POT1: variants seen among roughly 807,000 people sequenced by gnomAD.
POT1 encodes protection of telomeres 1.
POT1 carries 47 observed loss-of-function variants against 78.5 expected under a neutral mutation model. The ratio of observed to expected loss-of-function variants is 0.60; its 90% CI spans 0.47 to 0.76. The LOEUF is 0.76. Among genes scored for constraint, POT1 ranks in the 30% least tolerant of loss-of-function variants. The probability of loss-of-function intolerance (pLI) is 0.00; values close to 1 mark genes in which losing one functional copy is unlikely to be tolerated. For synonymous variants in POT1, 259 were observed against 260.7 expected (o/e 0.99, Z 0.06); for missense variants, 646 against 749.9 (o/e 0.86, Z 1.62).
At chr7:124,925,044 G>A (rs1020072254) in intron 2 of POT1, among the ~76,000 whole-genome samples, 1 of 151,880 alleles carries the variant, frequency 6.6e-6, no homozygotes, top group African/African-American at 2.4e-5. Flanking sequence ...TTCCCTCTAA[G>A]AATTGGAACA....
At chr7:124,901,967 G>A (rs1202435643) in intron 3 of POT1, among the ~76,000 whole-genome samples, 2 of 151,940 alleles carry the variant, frequency 1.3e-5, no homozygotes, top group Non-Finnish European at 2.9e-5. Flanking sequence ...GAGAAGAGAA[G>A]TTTACAGAAA....
chr7:124,853,713 T>C (rs1795373885), intron 9 of POT1, among the ~76,000 whole-genome samples: 1 of 104,024 alleles, frequency 9.6e-6, no homozygotes, highest in Non-Finnish European at 2.1e-5. Context: ...GAAACACTCC[T>C]TGAGTTCAAA....
chr7:124,902,469 A>G (rs1027385123), intron 3 of POT1, among the ~76,000 whole-genome samples: 1 of 152,216 alleles, frequency 6.6e-6, no homozygotes, highest in African/African-American at 2.4e-5. Flanking sequence ...ACAGACAAGC[A>G]AATGCTGAAA....
At chr7:124,864,757 T>C (rs564432017) in intron 7 of POT1, among the ~76,000 whole-genome samples, 145 of 152,336 alleles carry the variant, frequency 9.5e-4, no homozygotes, top group African/African-American at 3.3e-3. Context: ...TCCTTTGTGT[T>C]ACTGTTGTAG....
intron 3 of POT1, among the ~76,000 whole-genome samples, chr7:124,907,737 G>C (rs1197804767): frequency 6.6e-6 from 1 of 152,084 alleles, no homozygotes; most frequent in African/African-American, 2.4e-5. Context: ...TAGCAGAAGA[G>C]GCTATGCATA....
intron 11 of POT1, among the ~76,000 whole-genome samples, chr7:124,851,561 T>C (rs934942362): frequency 1.3e-5 from 2 of 152,338 alleles, no homozygotes; most frequent in African/African-American, 4.8e-5. Context: ...ACAATCTTTG[T>C]TCCCTTTAAA....
intron 5 of POT1, among the ~76,000 whole-genome samples, chr7:124,893,238 A>C (rs7804989): frequency 0.071 from 10,764 of 151,296 alleles, 504 homozygotes; most frequent in Middle Eastern, 0.15. Flanking sequence ...TCTCTTTGAA[A>C]CTTGTGGTAC....
At chr7:124,895,379 A>G (rs1008742138) in intron 5 of POT1, among the ~76,000 whole-genome samples, 3 of 151,564 alleles carry the variant, frequency 2.0e-5, no homozygotes, top group African/African-American at 7.3e-5. Flanking sequence ...GCAGCCCATT[A>G]TGGAATCAAT....
At chr7:124,828,041 T>A (rs574988524) in intron 16 of POT1, among the ~76,000 whole-genome samples, 30 of 151,312 alleles carry the variant, frequency 2.0e-4, no homozygotes, top group African/African-American at 5.6e-4. Flanking sequence ...TCAAAATAAA[T>A]AAAAATAAAT....
At chr7:124,858,218 C>T (rs947437807) in intron 9 of POT1, among the ~76,000 whole-genome samples, 4 of 152,154 alleles carry the variant, frequency 2.6e-5, no homozygotes, top group African/African-American at 7.2e-5. Context: ...ATTTGTAGAA[C>T]GAGATGACTA....
intron 3 of POT1, among the ~76,000 whole-genome samples, chr7:124,912,611 C>T (rs137903893): frequency 1.3e-5 from 2 of 152,156 alleles, no homozygotes; most frequent in South Asian, 2.1e-4. Context: ...TTCCCTAGAA[C>T]GTATGCTGCA....
intron 3 of POT1, among the ~76,000 whole-genome samples, chr7:124,908,094 A>G (rs535226713): frequency 6.6e-6 from 1 of 152,074 alleles, no homozygotes; most frequent in Admixed American, 6.6e-5. Flanking sequence ...ATATAAAATA[A>G]CTGATAATCC....
In POT1 at chr7:124,906,888, T is replaced by A. The variant is rs1796778638; in HGVS notation, c.-153-8514A>T. ...GTACACAGAGGATAAGAAAAATATA[T>A]AACAGATAATAGTAGTTTGTATAAA... On this transcript the variant is annotated intron_variant, in intron 3 of 18. Transcript: ENST00000357628. 2.0e-5 allele frequency among the ~76,000 whole-genome samples: 3 copies of A among 152,024 alleles called. No individual in the cohort carries two copies. In the South Asian group the frequency reaches 6.2e-4, roughly 32 times the overall value.
chr7:124,912,890 A>G (rs538960802), intron 3 of POT1, among the ~76,000 whole-genome samples: 1 of 152,264 alleles, frequency 6.6e-6, no homozygotes, highest in Admixed American at 6.5e-5. Context: ...GGACCACTGT[A>G]TTAGTCCATT....
intron 7 of POT1, among the ~76,000 whole-genome samples, chr7:124,867,946 C>G (rs1393970697): frequency 6.6e-6 from 1 of 152,036 alleles, no homozygotes. Context: ...ACTTTATTTT[C>G]TTTATAGTAG....
At chr7:124,868,475 C>T (rs887934667) in intron 7 of POT1, among the ~76,000 whole-genome samples, 1 of 151,878 alleles carries the variant, frequency 6.6e-6, no homozygotes, top group Non-Finnish European at 1.5e-5. Context: ...TCATAGTAGC[C>T]TTTAAAACAG....
intron 6 of POT1, among the ~76,000 whole-genome samples, chr7:124,882,955 T>C (rs1796152840): frequency 6.6e-6 from 1 of 152,020 alleles, no homozygotes; most frequent in Non-Finnish European, 1.5e-5. Context: ...TCCATCTCCA[T>C]TCTTTAGATG....
At chr7:124,858,875 C>T in intron 9 of POT1, 82 bp downstream of exon 9, 1 of 961,080 alleles carries the variant, frequency 1.0e-6, no homozygotes, top group South Asian at 2.0e-5. Flanking sequence ...ATACATGTAA[C>T]CATATATAAA....
chr7:124,829,331 C>T lies in POT1; in HGVS notation c.1517G>A (p.Cys506Tyr), dbSNP rs775694109. 6.4e-7 allele frequency: 1 copy of T among 1,565,544 alleles called. No homozygotes were observed. Among genetic ancestry groups the T allele is most frequent in the South Asian group, 1.1e-5 (1 of 88,630 alleles). ...ATTTTGTATGGATCTCAAACTAGAA[C>T]ACTGTTTACATCTGAAATTTATAAA... ...GTIHHYGCKQ[C>Y]SSLRSIQNLN... The change falls in exon 16 of 19, where the codon TGT (cysteine) becomes TAT (tyrosine). Residue 506 changes from cysteine (C) to tyrosine (Y), a missense_variant. This residue lies in a region of POT1 where 394 missense variants were observed against 408.4 expected (regional missense o/e 0.96). Transcript: ENST00000357628.
Sources: allele counts gnomAD v4.1 joint callset (sites outside exome capture counted in the v4.1 genomes callset), GRCh38; gene constraint gnomAD v4.1.1; regional missense constraint gnomAD v4.1.1; transcripts MANE v1.5; gene names NCBI Gene and HGNC (gene_info 2026-07-23, HGNC 2026-07-21).